The following TSPAN9 variants were observed in gnomAD, a reference collection of about 807,000 sequenced individuals.
The protein encoded by TSPAN9 is tetraspanin 9.
TSPAN9 carries 16 observed loss-of-function variants against 31.0 expected under a neutral mutation model. The observed-to-expected ratio is 0.52, with a 90% confidence interval of 0.35 to 0.78. The LOEUF (loss-of-function observed/expected upper bound fraction) is 0.78, where lower values mean the gene tolerates loss of function less well. Ranked by LOEUF, TSPAN9 falls within the 30% of genes least tolerant of loss-of-function variation. The pLI, the probability that TSPAN9 is intolerant of heterozygous loss-of-function variation, is 0.01. For missense variants in TSPAN9, 272 were observed against 312.5 expected (o/e 0.87, Z 0.98); for synonymous variants, 145 against 121.6 (o/e 1.19, Z -1.27).
Position 3,086,136 on chromosome 12 carries a change from T to C in TSPAN9, c.-18+2417T>C, listed in dbSNP as rs777256225. Among the ~76,000 whole-genome samples the C allele has an allele frequency of 2.6e-5, 4 of 152,210 alleles. 1 individual carries two copies. In the South Asian group the frequency reaches 8.3e-4, roughly 32 times the overall value. The stretch of plus-strand genomic sequence containing the variant: ...TAGCCACAGCATAACGAAATGAGAA[T>C]ATCTGCCTGGAGCAGGTTAGCTTCC... On this transcript the variant is annotated intron_variant, in intron 2 of 8. Transcript: ENST00000011898.
chr12:3,264,251 C>T (rs373178317), intron 3 of TSPAN9, among the ~76,000 whole-genome samples: 104 of 152,094 alleles, frequency 6.8e-4, no homozygotes, highest in Middle Eastern at 3.4e-3. Flanking sequence ...ACAGGGGACC[C>T]GGGGAAGGGG....
chr12:3,186,546 T>TTG (rs61329208), intron 2 of TSPAN9, among the ~76,000 whole-genome samples: 38,149 of 135,630 alleles, frequency 0.28, 4,922 homozygotes, highest in South Asian at 0.4. Flanking sequence ...AGGAGTTTGT[T>TTG]TGTGTGTGTG....
chr12:3,220,743 G>A lies in TSPAN9; in HGVS notation c.63+19487G>A, dbSNP rs1173595272. Among the ~76,000 whole-genome samples the A allele has an allele frequency of 2.6e-5, 4 of 152,116 alleles. No individual in the cohort carries two copies. In the South Asian group the frequency reaches 8.3e-4, roughly 32 times the overall value. On this transcript the variant is annotated intron_variant, in intron 3 of 8. Coordinates refer to ENST00000011898, the MANE Select transcript of TSPAN9 (RefSeq NM_006675.5). ...CAAGATAATATGAGACCTGTTTCCTGTGCTGCCGGGGAAGAGTGCACCACA... is the reference window on the plus strand; with the variant it reads ...CAAGATAATATGAGACCTGTTTCCTATGCTGCCGGGGAAGAGTGCACCACA...
intron 2 of TSPAN9, among the ~76,000 whole-genome samples, chr12:3,177,101 T>TAA (rs111282988): frequency 6.1e-5 from 9 of 148,540 alleles, no homozygotes; most frequent in African/African-American, 1.7e-4. Context: ...CTTGTTTAAA[T>TAA]AAAAAAAAAA....
At chr12:3,158,314 C>A (rs1011724940) in intron 2 of TSPAN9, among the ~76,000 whole-genome samples, 20 of 152,336 alleles carry the variant, frequency 1.3e-4, no homozygotes, top group Middle Eastern at 3.4e-3. Flanking sequence ...CCCCAGCACC[C>A]CACAGGTCAT....
At chr12:3,226,168 G>T (rs951211410) in intron 3 of TSPAN9, among the ~76,000 whole-genome samples, 1 of 152,090 alleles carries the variant, frequency 6.6e-6, no homozygotes, top group Non-Finnish European at 1.5e-5. Flanking sequence ...GTGTGATGGG[G>T]TGAGGGGAGG....
At chr12:3,186,241 T>C (rs1034430057) in intron 2 of TSPAN9, among the ~76,000 whole-genome samples, 13 of 152,208 alleles carry the variant, frequency 8.5e-5, no homozygotes, top group African/African-American at 2.9e-4. Context: ...CTTTCAAAAA[T>C]ACTTACACCT....
chr12:3,251,296 G>T (rs1862239982), intron 3 of TSPAN9, among the ~76,000 whole-genome samples: 2 of 152,176 alleles, frequency 1.3e-5, no homozygotes, highest in Non-Finnish European at 2.9e-5. Flanking sequence ...CCAGCAGTGA[G>T]CTGCCCCGGT....
chr12:3,110,592 CTGTT>C (rs1441674764), intron 2 of TSPAN9, among the ~76,000 whole-genome samples: 2 of 152,074 alleles, frequency 1.3e-5, no homozygotes, highest in East Asian at 1.9e-4. Context: ...TTCCTTATGT[CTGTT>C]TGTTGCAGGA....
At chr12:3,222,267 T>C (rs1199276169) in intron 3 of TSPAN9, among the ~76,000 whole-genome samples, 1 of 152,212 alleles carries the variant, frequency 6.6e-6, no homozygotes, top group Admixed American at 6.5e-5. Flanking sequence ...CCATTTCCTA[T>C]ACACAGGGCC....
At chr12:3,202,313 A>G (rs1043551625) in intron 3 of TSPAN9, among the ~76,000 whole-genome samples, 2 of 152,220 alleles carry the variant, frequency 1.3e-5, no homozygotes, top group Non-Finnish European at 2.9e-5. Context: ...CCCGTGGTCC[A>G]GGAGGAGCAC....
chr12:3,186,126 C>G (rs746929560), intron 2 of TSPAN9, among the ~76,000 whole-genome samples: 20 of 152,172 alleles, frequency 1.3e-4, no homozygotes, highest in Admixed American at 1.1e-3. Flanking sequence ...CTCAGCTGGG[C>G]AGGCGCTAAC....
chr12:3,164,332 T>C (rs574816777), intron 2 of TSPAN9, among the ~76,000 whole-genome samples: 1 of 152,346 alleles, frequency 6.6e-6, no homozygotes, highest in South Asian at 2.1e-4. Context: ...CACTCTGTGG[T>C]ACGTAGCATT....
At chr12:3,108,152 T>A (rs1321973923) in intron 2 of TSPAN9, among the ~76,000 whole-genome samples, 1 of 152,194 alleles carries the variant, frequency 6.6e-6, no homozygotes, top group Non-Finnish European at 1.5e-5. Flanking sequence ...CAGTCTCTCC[T>A]CCAGAGTCTG....
intron 2 of TSPAN9, among the ~76,000 whole-genome samples, chr12:3,185,936 A>G (rs988382410): frequency 3.9e-4 from 59 of 152,102 alleles, no homozygotes; most frequent in African/African-American, 1.3e-3. Flanking sequence ...CTCACTGTGG[A>G]GCTCAGGGGC....
intron 3 of TSPAN9, among the ~76,000 whole-genome samples, chr12:3,258,700 C>T (rs748088379): frequency 3.3e-5 from 5 of 152,184 alleles, no homozygotes; most frequent in Non-Finnish European, 7.3e-5. Context: ...TGACCCACTC[C>T]CCTGCCCTCA....
intron 2 of TSPAN9, among the ~76,000 whole-genome samples, chr12:3,179,247 G>A (rs565636935): frequency 1.3e-5 from 2 of 152,238 alleles, no homozygotes; most frequent in East Asian, 3.9e-4. Context: ...GGAAGGAAGG[G>A]ACCATGCTGG....
At chr12:3,077,759 C>T (rs1167506117) in intron 1 of TSPAN9, among the ~76,000 whole-genome samples, 1 of 152,136 alleles carries the variant, frequency 6.6e-6, no homozygotes, top group Non-Finnish European at 1.5e-5. Flanking sequence ...AAGGGAGTAA[C>T]CCGGGGCCGG....
At chr12:3,248,701 C>T (rs1862186763) in intron 3 of TSPAN9, among the ~76,000 whole-genome samples, 1 of 151,914 alleles carries the variant, frequency 6.6e-6, no homozygotes, top group Non-Finnish European at 1.5e-5. Flanking sequence ...TTTGGTTATG[C>T]CCCCTGCTCC....
Sources: allele counts gnomAD v4.1 joint callset (sites outside exome capture counted in the v4.1 genomes callset), GRCh38; gene constraint gnomAD v4.1.1; transcripts MANE v1.5; gene names NCBI Gene and HGNC (gene_info 2026-07-23, HGNC 2026-07-21).